NEBL: variants seen among roughly 807,000 people sequenced by gnomAD.
The protein encoded by NEBL is nebulette.
In NEBL, 122 loss-of-function variants were observed where a neutral mutation model predicts 140.2. The ratio of observed to expected loss-of-function variants is 0.87; its 90% CI spans 0.75 to 1.01. The LOEUF is 1.01. Among genes scored for constraint, NEBL ranks in the 50% least tolerant of loss-of-function variants. NEBL has a pLI of 0.00. For synonymous variants in NEBL, 436 were observed against 398.9 expected (o/e 1.09, Z -1.11); for missense variants, 1,365 against 1,231.3 (o/e 1.11, Z -1.62).
At chr10:20,927,773 A>C (rs1833984425) in intron 4 of NEBL, among the ~76,000 whole-genome samples, 1 of 152,128 alleles carries the variant, frequency 6.6e-6, no homozygotes, top group Non-Finnish European at 1.5e-5. Flanking sequence ...CAGCCCTGAG[A>C]CCTTAGGCAA....
chr10:20,826,283 A>T (rs1407012775), intron 18 of NEBL, among the ~76,000 whole-genome samples, 164 bp downstream of exon 18: 1 of 152,196 alleles, frequency 6.6e-6, no homozygotes, highest in Non-Finnish European at 1.5e-5. Flanking sequence ...ACAAGGATAC[A>T]GTTTTTGTTC....
intron 2 of NEBL, among the ~76,000 whole-genome samples, chr10:20,890,916 T>C (rs1846976020): frequency 6.6e-6 from 1 of 152,236 alleles, no homozygotes; most frequent in Non-Finnish European, 1.5e-5. Flanking sequence ...CACTCTGTAA[T>C]ATGCTCGTGT....
At position 20,808,481 on chromosome 10, in the gene NEBL, T is replaced by C. The variant is rs532197658; in HGVS notation, c.2761+29A>G. The stretch of plus-strand genomic sequence containing the variant: ...TGACACACTTAAAAAATGAATCGAT[T>C]TTCTTTGTAAGCAGTGAATGTTTGA... On this transcript the variant is annotated intron_variant, in intron 26 of 27. Coordinates refer to ENST00000377122, the MANE Select transcript of NEBL (RefSeq NM_006393.3). 24 of 1,611,836 alleles carry C rather than the reference T, an allele frequency of 1.5e-5. No homozygotes were observed. In the African/African-American group the frequency reaches 3.2e-4, roughly 21 times the overall value.
At chr10:21,265,558 T>C (rs1842788446) in intron 1 of NEBL, among the ~76,000 whole-genome samples, 1 of 152,136 alleles carries the variant, frequency 6.6e-6, no homozygotes. Flanking sequence ...GATGCAATAA[T>C]TCAAGGGCAC....
At chr10:20,960,513 T>C (rs56329139) in intron 4 of NEBL, among the ~76,000 whole-genome samples, 15,902 of 151,980 alleles carry the variant, frequency 0.1, 1,245 homozygotes, top group African/African-American at 0.22. Context: ...CAAAAAACAA[T>C]GTGTACTTTG....
intron 3 of NEBL, among the ~76,000 whole-genome samples, chr10:20,999,246 T>TG (rs1317661898): frequency 6.6e-6 from 1 of 151,818 alleles, no homozygotes; most frequent in East Asian, 1.9e-4. Context: ...ATTTATTGAT[T>TG]GCCCAATTAT....
chr10:20,970,819 C>T (rs540036527), intron 3 of NEBL, among the ~76,000 whole-genome samples: 1 of 152,256 alleles, frequency 6.6e-6, no homozygotes, highest in East Asian at 1.9e-4. Context: ...TCTCTGACAT[C>T]CACCTGCCCA....
Position 21,282,838 on chromosome 10 carries a change from C to T in NEBL, n.182+9992G>A, listed in dbSNP as rs555564592. ...GATATTGCTGATTAAAAAAAGGTTG[C>T]AATAGGCAGGGCGCAGTGGCTCACG... On this transcript the variant is annotated intron_variant and non_coding_transcript_variant, in intron 1 of 8. Coordinates refer to the NEBL transcript ENST00000675702. Among the ~76,000 whole-genome samples, 7 of 152,140 alleles carry T rather than the reference C, an allele frequency of 4.6e-5. No individual in the cohort carries two copies. In the East Asian group the frequency reaches 7.7e-4, roughly 17 times the overall value.
At chr10:20,829,725 TA>T (rs200030299) in intron 16 of NEBL, among the ~76,000 whole-genome samples, 4 of 151,430 alleles carry the variant, frequency 2.6e-5, no homozygotes, top group Middle Eastern at 3.4e-3. Context: ...CACACCACAC[TA>T]AAAAAAAATC....
chr10:20,836,945 A>G (rs777619508), intron 13 of NEBL, among the ~76,000 whole-genome samples: 9 of 152,294 alleles, frequency 5.9e-5, no homozygotes, highest in Middle Eastern at 3.4e-3. Flanking sequence ...CAGTGAACTT[A>G]ATCGAGAAAT....
At chr10:20,885,585 A>G (rs1244427856) in intron 4 of NEBL, among the ~76,000 whole-genome samples, 1 of 152,206 alleles carries the variant, frequency 6.6e-6, no homozygotes, top group African/African-American at 2.4e-5. Flanking sequence ...TCTATGTTGC[A>G]GGGATTTGTG....
intron 2 of NEBL, among the ~76,000 whole-genome samples, chr10:21,169,067 A>AAATATATATAT (rs1554830679): frequency 9.5e-4 from 22 of 23,056 alleles, no homozygotes; most frequent in Non-Finnish European, 1.4e-3. Context: ...AAAAAAAAAA[A>AAATATATATAT]ATATATATAT....
intron 6 of NEBL, 24 bp downstream of exon 6, chr10:20,869,716 T>G (rs1394209292): frequency 6.6e-7 from 1 of 1,508,264 alleles, no homozygotes. Flanking sequence ...TCATTTCCGT[T>G]CAAGGTTTAG....
intron 3 of NEBL, among the ~76,000 whole-genome samples, chr10:21,186,079 C>T (rs1161247566): frequency 6.6e-6 from 1 of 152,046 alleles, no homozygotes; most frequent in Non-Finnish European, 1.5e-5. Flanking sequence ...CCCATCACTT[C>T]ATAAAACATC....
intron 2 of NEBL, among the ~76,000 whole-genome samples, chr10:21,111,341 C>G (rs1838003726): frequency 1.3e-5 from 2 of 152,158 alleles, no homozygotes; most frequent in Non-Finnish European, 2.9e-5. Flanking sequence ...TGACTTCAAA[C>G]TATACTACAA....
At chr10:21,177,795 T>C (rs1157968448), upstream of NEBL, among the ~76,000 whole-genome samples, 1 of 152,232 alleles carries the variant, frequency 6.6e-6, no homozygotes, top group African/African-American at 2.4e-5. Flanking sequence ...CCCAAAGTGC[T>C]GGGATTACAG....
At chr10:21,002,757 C>A (rs1296291002) in intron 3 of NEBL, among the ~76,000 whole-genome samples, 1 of 152,080 alleles carries the variant, frequency 6.6e-6, no homozygotes, top group Non-Finnish European at 1.5e-5. Flanking sequence ...ACTCACTTAC[C>A]ATCACGAGAA....
Position 21,165,885 on chromosome 10 carries a change from T to G in NEBL, c.164+6498A>C, listed in dbSNP as rs114136458. Among the ~76,000 whole-genome samples the G allele has an allele frequency of 6.8e-3, 1,035 of 152,310 alleles. 12 individuals carry two copies. The highest frequency in any genetic ancestry group is 0.023 in the African/African-American group (968 of 41,562). ...ATTGTACGTTACAGGTAACTTTCAG[T>G]GCTCTCTGATGTATGGAGCATTAAC... On this transcript the variant is annotated intron_variant, in intron 2 of 6. Transcript: ENST00000417816.
At position 21,006,133 on chromosome 10, in the gene NEBL, C is replaced by T. The variant is rs547315089; in HGVS notation, c.249+13984G>A. ...GCTCTATTTCCTTCCTTTAAATGAT[C>T]GCATCATATTCTTTGGTGCAGATTA... On this transcript the variant is annotated intron_variant, in intron 3 of 6. Transcript: ENST00000417816. Among the ~76,000 whole-genome samples the T allele has an allele frequency of 3.3e-5, 5 of 152,242 alleles. No individual in the cohort carries two copies. In the East Asian group the frequency reaches 7.7e-4, roughly 24 times the overall value.
Sources: allele counts gnomAD v4.1 joint callset (sites outside exome capture counted in the v4.1 genomes callset), GRCh38; gene constraint gnomAD v4.1.1; transcripts MANE v1.5; gene names NCBI Gene and HGNC (gene_info 2026-07-23, HGNC 2026-07-21).